Variants in LRBA observed in about 807,000 individuals in gnomAD.
The protein encoded by LRBA is LPS responsive beige-like anchor protein.
A neutral mutation model predicts 330.0 loss-of-function variants in LRBA; 176 were observed. The ratio of observed to expected loss-of-function variants is 0.53; its 90% CI spans 0.47 to 0.60. The LOEUF is 0.60. Ranked by LOEUF, LRBA falls within the 20% of genes least tolerant of loss-of-function variation. The pLI is 0.00. For missense variants in LRBA, 3,259 were observed against 3,444.8 expected (o/e 0.95, Z 1.35); for synonymous variants, 1,230 against 1,193.0 (o/e 1.03, Z -0.64).
chr4:150,459,228 C>T (rs1483857865), intron 44 of LRBA, among the ~76,000 whole-genome samples: 3 of 151,798 alleles, frequency 2.0e-5, no homozygotes, highest in African/African-American at 4.8e-5. Flanking sequence ...TATAATCCTC[C>T]TGTTTTCCAT....
chr4:150,689,935 G>GA (rs1267096462), intron 36 of LRBA, among the ~76,000 whole-genome samples: 7 of 148,008 alleles, frequency 4.7e-5, no homozygotes, highest in East Asian at 4.0e-4. Context: ...AAATAATAAT[G>GA]AAAAAAAAAT....
chr4:150,403,522 ATC>A (rs1403383299), intron 47 of LRBA, among the ~76,000 whole-genome samples: 2 of 152,058 alleles, frequency 1.3e-5, no homozygotes, highest in Admixed American at 1.3e-4. Flanking sequence ...TATAAAAAGT[ATC>A]TCTCTCTCTT....
intron 37 of LRBA, among the ~76,000 whole-genome samples, chr4:150,610,207 C>T (rs150460953): frequency 1.9e-4 from 29 of 152,182 alleles, no homozygotes; most frequent in African/African-American, 6.7e-4. Context: ...AGTTTGGAAA[C>T]CATTGAGGTA....
intron 2 of LRBA, among the ~76,000 whole-genome samples, chr4:150,952,574 T>G (rs1736956355): frequency 6.6e-6 from 1 of 152,182 alleles, no homozygotes; most frequent in African/African-American, 2.4e-5. Flanking sequence ...TCTCTTTGCC[T>G]GTGTCTGTCA....
At chr4:150,363,364 A>AAG (rs1019849034) in intron 47 of LRBA, among the ~76,000 whole-genome samples, 1 of 152,106 alleles carries the variant, frequency 6.6e-6, no homozygotes, top group African/African-American at 2.4e-5. Context: ...TTGGTCCCAG[A>AAG]ATATATATTT....
chr4:150,388,310 G>C (rs1437245918), intron 47 of LRBA, among the ~76,000 whole-genome samples: 1 of 152,138 alleles, frequency 6.6e-6, no homozygotes, highest in African/African-American at 2.4e-5. Context: ...CATAATTTTC[G>C]GGGGACACAA....
chr4:150,353,046 A>C (rs1737378016), intron 47 of LRBA, among the ~76,000 whole-genome samples: 1 of 152,188 alleles, frequency 6.6e-6, no homozygotes, highest in East Asian at 1.9e-4. Context: ...AGAACTTTCA[A>C]TCAGGGAAGG....
At position 150,489,461 on chromosome 4, in the gene LRBA, TATAAAATATATTATATATAAGAATATATA is replaced by T. The variant is rs1561251439; in HGVS notation, c.6448+1428_6448+1456del. 4.1e-4 allele frequency among the ~76,000 whole-genome samples: 21 copies of T among 51,068 alleles called. 1 individual carries two copies. The South Asian group carries it at 0.011, about 26-fold the overall frequency. The allele number at this position is 51,068 out of a possible 152,430, so 33.5% of individuals were successfully genotyped here. ...ATATATAATATATTATATATAAGAA[TATAAAATATATTATATATAAGAATATATA>T]ATATATTATATATAAGAATATATAA... is the stretch of plus-strand genomic sequence containing the variant. On this transcript the variant is annotated intron_variant, in intron 41 of 56. Transcript: ENST00000651943.
At chr4:150,439,642 C>A (rs1439862648) in intron 44 of LRBA, among the ~76,000 whole-genome samples, 1 of 152,160 alleles carries the variant, frequency 6.6e-6, no homozygotes, top group Non-Finnish European at 1.5e-5. Flanking sequence ...ACATCCACCT[C>A]ATTAAAAGAT....
At chr4:150,463,802 T>G (rs1242828843) in intron 44 of LRBA, among the ~76,000 whole-genome samples, 1 of 151,934 alleles carries the variant, frequency 6.6e-6, no homozygotes, top group African/African-American at 2.4e-5. Context: ...TCAATGAACA[T>G]TCATAATAAA....
intron 37 of LRBA, among the ~76,000 whole-genome samples, chr4:150,604,980 T>A (rs954203900): frequency 2.6e-5 from 4 of 152,170 alleles, no homozygotes; most frequent in Non-Finnish European, 4.4e-5. Context: ...AGGAAGATGC[T>A]TGGTTGTCAA....
chr4:150,524,355 T>C (rs1416961933), intron 40 of LRBA, among the ~76,000 whole-genome samples: 1 of 152,230 alleles, frequency 6.6e-6, no homozygotes, highest in African/African-American at 2.4e-5. Context: ...TCTTGCAATG[T>C]TTATTTCACC....
chr4:150,843,541 G>T (rs1749412159), intron 28 of LRBA, among the ~76,000 whole-genome samples: 1 of 152,080 alleles, frequency 6.6e-6, no homozygotes, highest in Admixed American at 6.6e-5. Flanking sequence ...TAAAAAATTA[G>T]AAACACCAAA....
chr4:150,580,115 G>T (rs147773853), intron 40 of LRBA: 1 of 188,386 alleles, frequency 5.3e-6, no homozygotes, highest in East Asian at 1.7e-4. Context: ...TCCTTAGGCG[G>T]CGAGGCGTTC....
At chr4:150,572,158 T>A (rs905600885) in intron 40 of LRBA, among the ~76,000 whole-genome samples, 1 of 152,138 alleles carries the variant, frequency 6.6e-6, no homozygotes, top group Admixed American at 6.5e-5. Flanking sequence ...TCAACATTAT[T>A]TCTTTGTAAA....
intron 44 of LRBA, among the ~76,000 whole-genome samples, chr4:150,459,066 T>A (rs542571465): frequency 1.5e-4 from 23 of 151,924 alleles, no homozygotes; most frequent in South Asian, 2.1e-4. Context: ...TTTTTAGGTG[T>A]TTTCTTTTGA....
At chr4:150,779,097 A>G (rs1051134071) in intron 34 of LRBA, among the ~76,000 whole-genome samples, 1 of 152,116 alleles carries the variant, frequency 6.6e-6, no homozygotes, top group South Asian at 2.1e-4. Context: ...ATACATACAT[A>G]TTTATTTTAT....
chr4:150,747,932 C>A (rs62346308), intron 35 of LRBA, among the ~76,000 whole-genome samples: 1 of 152,086 alleles, frequency 6.6e-6, no homozygotes, highest in Non-Finnish European at 1.5e-5. Context: ...AACTGTCCAA[C>A]TAAAATCTTC....
intron 48 of LRBA, among the ~76,000 whole-genome samples, chr4:150,339,021 T>C (rs947121417): frequency 6.6e-6 from 1 of 151,302 alleles, no homozygotes; most frequent in Non-Finnish European, 1.5e-5. Context: ...GTTCTAGAAT[T>C]CAGGAATCTT....
Sources: allele counts gnomAD v4.1 joint callset (sites outside exome capture counted in the v4.1 genomes callset), GRCh38; gene constraint gnomAD v4.1.1; transcripts MANE v1.5; gene names NCBI Gene and HGNC (gene_info 2026-07-23, HGNC 2026-07-21).